The following MTHFD1 variants were observed in gnomAD, a reference collection of about 807,000 sequenced individuals.
The protein encoded by MTHFD1 is C-1-tetrahydrofolate synthase, cytoplasmic.
Under a neutral mutation model 110.3 loss-of-function variants are expected in MTHFD1, and 44 were observed. The observed-to-expected ratio is 0.40, with a 90% CI of 0.31 to 0.51. The LOEUF is 0.51. Among genes scored for constraint, MTHFD1 ranks in the 20% least tolerant of loss-of-function variants. MTHFD1 has a pLI of 0.60. For missense variants in MTHFD1, 909 were observed against 1,173.1 expected (o/e 0.77, Z 3.29); for synonymous variants, 402 against 428.8 (o/e 0.94, Z 0.77).
chr14:64,392,426 T>C (rs931272096), intron 1 of MTHFD1, among the ~76,000 whole-genome samples: 1 of 152,216 alleles, frequency 6.6e-6, no homozygotes, highest in African/African-American at 2.4e-5. Flanking sequence ...TACATTTATA[T>C]GATTTGTTTG....
intron 22 of MTHFD1, among the ~76,000 whole-genome samples, chr14:64,447,090 G>C (rs948111874): frequency 6.7e-6 from 1 of 149,442 alleles, no homozygotes; most frequent in Non-Finnish European, 1.5e-5. Context: ...GTGATCCTCC[G>C]ATCTCAGCCT....
At chr14:64,423,237 T>C (rs557336901) in intron 8 of MTHFD1, among the ~76,000 whole-genome samples, 1 of 152,266 alleles carries the variant, frequency 6.6e-6, no homozygotes, top group South Asian at 2.1e-4. Context: ...ATAAAAAATA[T>C]CTTACGTATC....
At chr14:64,403,367 T>G (rs2077913801) in intron 2 of MTHFD1, among the ~76,000 whole-genome samples, 1 of 151,754 alleles carries the variant, frequency 6.6e-6, no homozygotes, top group African/African-American at 2.4e-5. Context: ...CTTTGCCTCC[T>G]GGGTTCAAGT....
rs2077889751 is a variant in MTHFD1, at chr14:64,400,820, A to G, written c.69A>G (p.Gln23=). ...AAATAAGGGCGAGACTGAAAAATCAAGTCACTCAGTTGAAGGAGCAAGTAC... is the reference window on the plus strand; with the variant it reads ...AAATAAGGGCGAGACTGAAAAATCAGGTCACTCAGTTGAAGGAGCAAGTAC... The part of the protein sequence containing the change: ...SAQIRARLKN[Q]VTQLKEQVPG... Residue 23 remains glutamine (Q), a synonymous_variant, in exon 2 of 28, where the codon CAA becomes CAG. Coordinates refer to ENST00000652337, the MANE Select transcript of MTHFD1 (RefSeq NM_005956.4). 6.2e-7 allele frequency: 1 copy of G among 1,613,802 alleles called. No homozygotes were observed. Among genetic ancestry groups the G allele is most frequent in the African/African-American group, 1.3e-5 (1 of 74,926 alleles).
At chr14:64,448,944 T>C (rs59553915) in intron 23 of MTHFD1, among the ~76,000 whole-genome samples, 2,883 of 152,012 alleles carry the variant, frequency 0.019, 86 homozygotes, top group African/African-American at 0.066. Context: ...GGACTACAGG[T>C]GCCTGCCACC....
intron 3 of MTHFD1, among the ~76,000 whole-genome samples, chr14:64,411,932 G>A (rs569138142): frequency 1.1e-4 from 17 of 152,178 alleles, no homozygotes; most frequent in African/African-American, 4.1e-4. Context: ...GACAAGTGGG[G>A]CAGAGGAAAA....
At chr14:64,413,272 A>C (rs2077998956) in intron 4 of MTHFD1, among the ~76,000 whole-genome samples, 1 of 152,202 alleles carries the variant, frequency 6.6e-6, no homozygotes, top group South Asian at 2.1e-4. Context: ...GAATCACTTG[A>C]ACCCGGGAGG....
rs764547343 is a variant in MTHFD1 at position 64,400,874 on chromosome 14, A to G, written c.123A>G (p.Leu41=). 1.2e-5 allele frequency: 20 copies of G among 1,600,214 alleles called. No individual in the cohort carries two copies. In the South Asian group the frequency reaches 2.1e-4, roughly 17 times the overall value. The part of the protein sequence containing the change: ...VPGFTPRLAI[L]QVGNRDDSNL... ...GTTTCACACCACGCCTGGCAATATT[A>G]CAGGTATTATGATAGTGTATTTTCA... The change falls in exon 2 of 28, where the codon TTA becomes TTG. Residue 41 remains leucine, a synonymous_variant. Coordinates refer to ENST00000652337, the MANE Select transcript of MTHFD1 (RefSeq NM_005956.4).
intron 23 of MTHFD1, 33 bp from the exon 24 acceptor site, chr14:64,449,412 T>G: frequency 6.2e-7 from 1 of 1,610,034 alleles, no homozygotes; most frequent in Non-Finnish European, 8.5e-7. Context: ...CCAGCCATTT[T>G]CCATGCTTTG....
chr14:64,412,351 G>A, intron 3 of MTHFD1, 121 bp from the exon 4 acceptor site: 1 of 774,402 alleles, frequency 1.3e-6, no homozygotes, highest in Admixed American at 1.9e-5. Flanking sequence ...TCATTCTTCA[G>A]AACATATAAG....
intron 2 of MTHFD1, 22 bp downstream of exon 2, chr14:64,400,899 A>G (rs762028522): frequency 7.2e-6 from 11 of 1,526,824 alleles, no homozygotes; most frequent in Non-Finnish European, 1.0e-5. Context: ...GTGTATTTTC[A>G]TTAATGTTGT....
rs1232213756 is a variant in MTHFD1, at chr14:64,449,501, C to T, written c.2336C>T (p.Ala779Val). The T allele has an allele frequency of 3.7e-6, 6 of 1,614,042 alleles. No individual in the cohort carries two copies. In the Admixed American group the frequency reaches 6.7e-5, roughly 18 times the overall value. ...LISRLSREHG[A>V]FDAVKCTHWA... ...AGCCGCCTTTCCAGAGAACATGGGG[C>T]TTTTGATGCCGTGAAGTGCACTCAC... is the stretch of plus-strand genomic sequence containing the variant. The change falls in exon 24 of 28, where the codon GCT becomes GTT. Residue 779 changes from alanine (A) to valine (V), a missense_variant. Around this residue, in one of 3 missense-constraint regions of MTHFD1, gnomAD observed 482 missense variants for 646.0 expected, o/e 0.75. Coordinates refer to ENST00000652337, the MANE Select transcript of MTHFD1 (RefSeq NM_005956.4).
At chr14:64,401,270 C>A (rs2077894414) in intron 2 of MTHFD1, among the ~76,000 whole-genome samples, 1 of 152,154 alleles carries the variant, frequency 6.6e-6, no homozygotes, top group African/African-American at 2.4e-5. Context: ...TCAAGCAGTC[C>A]TCCTGCCTCT....
chr14:64,439,930 G>A (rs1439249314), intron 17 of MTHFD1, among the ~76,000 whole-genome samples, 196 bp from the exon 18 acceptor site: 2 of 136,108 alleles, frequency 1.5e-5, no homozygotes, highest in African/African-American at 2.6e-5. Context: ...GACAACTCAG[G>A]GTCTTGGAAT....
chr14:64,411,547 G>A (rs11158540), intron 3 of MTHFD1, among the ~76,000 whole-genome samples: 44,332 of 152,186 alleles, frequency 0.29, 7,567 homozygotes, highest in South Asian at 0.56. Context: ...TAAGAGGTGG[G>A]TAGGGAAAAA....
chr14:64,437,133 G>C (rs1162009304), intron 16 of MTHFD1, among the ~76,000 whole-genome samples: 4 of 151,012 alleles, frequency 2.6e-5, no homozygotes, highest in Non-Finnish European at 4.4e-5. Context: ...GTATGAACTG[G>C]GTTTTTTTGT....
At chr14:64,421,847 G>C (rs568922900) in intron 8 of MTHFD1, among the ~76,000 whole-genome samples, 301 of 152,096 alleles carry the variant, frequency 2.0e-3, no homozygotes, top group Non-Finnish European at 3.6e-3. Flanking sequence ...GGATGGTCTC[G>C]ATCTCCTGAC....
intron 16 of MTHFD1, among the ~76,000 whole-genome samples, chr14:64,438,298 C>T (rs2078222142): frequency 6.6e-6 from 1 of 152,120 alleles, no homozygotes; most frequent in South Asian, 2.1e-4. Flanking sequence ...GTCTAGGAGA[C>T]CTACCATAAG....
chr14:64,397,392 A>C (rs1311513849), intron 1 of MTHFD1, among the ~76,000 whole-genome samples: 4 of 151,308 alleles, frequency 2.6e-5, no homozygotes, highest in Non-Finnish European at 5.9e-5. Context: ...TCCCGGGTTC[A>C]AGCGATTCTC....
Sources: gnomAD v4.1 joint callset for allele counts (sites outside exome capture counted in the v4.1 genomes callset) on GRCh38, gnomAD v4.1.1 for gene constraint, gnomAD v4.1.1 regional missense constraint, MANE v1.5 for transcripts, NCBI Gene and HGNC (gene_info 2026-07-23, HGNC 2026-07-21) for gene names.